MKLN1: variants seen among roughly 807,000 people sequenced by gnomAD.
MKLN1 encodes muskelin 1, also known as muskelin.
MKLN1 carries 18 observed loss-of-function variants against 99.0 expected under a neutral mutation model. The ratio of observed to expected loss-of-function variants is 0.18; its 90% CI spans 0.13 to 0.27. MKLN1 has a LOEUF of 0.27. MKLN1 is among the 10% of genes least tolerant of loss of function. The pLI, the probability that MKLN1 is intolerant of heterozygous loss-of-function variation, is 1.00. For missense variants in MKLN1, 621 were observed against 875.9 expected, an observed-to-expected ratio of 0.71 and a Z score of 3.67; for synonymous variants, 288 against 293.2, an observed-to-expected ratio of 0.98 and a Z score of 0.18.
chr7:131,168,254 A>G (rs1425255712), intron 2 of MKLN1, among the ~76,000 whole-genome samples: 2 of 152,114 alleles, frequency 1.3e-5, no homozygotes, highest in Non-Finnish European at 2.9e-5. Flanking sequence ...CCTGACATCA[A>G]TGGCTGGCCC....
intron 2 of MKLN1, among the ~76,000 whole-genome samples, chr7:131,185,064 G>C (rs1383222713): frequency 6.6e-6 from 1 of 152,128 alleles, no homozygotes. Flanking sequence ...GAGAGGAGGA[G>C]AGGGTGGTGG....
chr7:131,136,393 C>G (rs1353446683), intron 1 of MKLN1, among the ~76,000 whole-genome samples: 1 of 152,046 alleles, frequency 6.6e-6, no homozygotes, highest in Non-Finnish European at 1.5e-5. Flanking sequence ...GGAGATGGAC[C>G]AAGTGGTCGC....
intron 3 of MKLN1, among the ~76,000 whole-genome samples, chr7:131,284,215 C>T (rs987051804): frequency 5.9e-5 from 9 of 152,228 alleles, no homozygotes; most frequent in Non-Finnish European, 1.2e-4. Flanking sequence ...TTACTGTCCA[C>T]AGCAGCTGAA....
intron 6 of MKLN1, among the ~76,000 whole-genome samples, chr7:131,404,718 A>G (rs1794649721): frequency 6.6e-6 from 1 of 151,312 alleles, no homozygotes. Context: ...TGATCCTCTT[A>G]CCAAGCCTCC....
intron 2 of MKLN1, among the ~76,000 whole-genome samples, chr7:131,151,338 G>A (rs1251185917): frequency 6.6e-6 from 1 of 151,362 alleles, no homozygotes; most frequent in Non-Finnish European, 1.5e-5. Context: ...GAAACCTGAG[G>A]TGCTGGATTT....
chr7:131,388,027 C>G (rs1223995486), intron 3 of MKLN1, among the ~76,000 whole-genome samples: 3 of 152,168 alleles, frequency 2.0e-5, no homozygotes, highest in African/African-American at 4.8e-5. Context: ...ATTAGCTGGA[C>G]ATGGTAGCGG....
chr7:131,423,421 G>A (rs571341717), intron 8 of MKLN1, among the ~76,000 whole-genome samples: 4 of 152,124 alleles, frequency 2.6e-5, no homozygotes, highest in African/African-American at 7.2e-5. Context: ...CAACCTCCAC[G>A]TCCTGGGTTC....
At chr7:131,175,893 C>A (rs1249861755) in intron 2 of MKLN1, among the ~76,000 whole-genome samples, 1 of 132,160 alleles carries the variant, frequency 7.6e-6, no homozygotes, top group African/African-American at 2.7e-5. Flanking sequence ...GAGTGAGACT[C>A]CACTCAAAAA....
At chr7:131,283,346 C>CTCCTTCCTTCCCTCCTTCCT (rs1798084228) in intron 3 of MKLN1, among the ~76,000 whole-genome samples, 1 of 51,418 alleles carries the variant, frequency 1.9e-5, no homozygotes, top group Admixed American at 2.4e-4. Context: ...TTCCCTTCCC[C>CTCCTTCCTTCCCTCCTTCCT]TCCTTCCTTC....
At chr7:131,277,379 G>A (rs992261359) in intron 3 of MKLN1, among the ~76,000 whole-genome samples, 1 of 151,846 alleles carries the variant, frequency 6.6e-6, no homozygotes, top group African/African-American at 2.4e-5. Context: ...CGCCTCCTGG[G>A]TTCAAGCGAT....
intron 16 of MKLN1, among the ~76,000 whole-genome samples, chr7:131,475,172 A>G (rs759151247): frequency 6.6e-6 from 1 of 152,188 alleles, no homozygotes; most frequent in Non-Finnish European, 1.5e-5. Context: ...CACAAATGAA[A>G]AGAGGGCATC....
At chr7:131,275,211 G>A (rs2116565665) in intron 3 of MKLN1, among the ~76,000 whole-genome samples, 1 of 152,052 alleles carries the variant, frequency 6.6e-6, no homozygotes, top group African/African-American at 2.4e-5. Flanking sequence ...GTCAATTCTT[G>A]CTGTATCCTT....
intron 3 of MKLN1, among the ~76,000 whole-genome samples, chr7:131,232,705 T>G (rs1797260637): frequency 6.6e-6 from 1 of 152,166 alleles, no homozygotes; most frequent in Non-Finnish European, 1.5e-5. Context: ...ACATTTTTAG[T>G]ACATACACGA....
intron 3 of MKLN1, among the ~76,000 whole-genome samples, chr7:131,250,113 A>G (rs1050328435): frequency 2.0e-5 from 3 of 152,194 alleles, no homozygotes; most frequent in Non-Finnish European, 2.9e-5. Context: ...GGAAGCAGAA[A>G]AAGAAGACTG....
chr7:131,342,150 T>A (rs2116730431), intron 1 of MKLN1, among the ~76,000 whole-genome samples: 1 of 150,906 alleles, frequency 6.6e-6, no homozygotes, highest in Admixed American at 6.8e-5. Context: ...GCCAGATTTT[T>A]TGTTGATTTT....
intron 3 of MKLN1, among the ~76,000 whole-genome samples, chr7:131,286,898 G>T (rs1260950096): frequency 6.6e-6 from 1 of 152,192 alleles, no homozygotes; most frequent in Non-Finnish European, 1.5e-5. Context: ...TTGAGGCCAG[G>T]AGTTTGAGAC....
At position 131,145,312 on chromosome 7, in the gene MKLN1, G is replaced by A. The variant is rs192400622; in HGVS notation, c.-297+2371G>A. ...TTGTACAGGTACTGAGTGGGGGCGAGGTGGCTTACAGCTACACACGGCACG... is the reference window on the plus strand; with the variant it reads ...TTGTACAGGTACTGAGTGGGGGCGAAGTGGCTTACAGCTACACACGGCACG... On this transcript the variant is annotated intron_variant, in intron 2 of 7. Transcript: ENST00000416992. Among the ~76,000 whole-genome samples the A allele has an allele frequency of 6.6e-5, 10 of 152,224 alleles. No individual in the cohort carries two copies. In the East Asian group the frequency reaches 9.7e-4, roughly 15 times the overall value.
chr7:131,150,654 G>A (rs1433923989), intron 2 of MKLN1, among the ~76,000 whole-genome samples: 1 of 151,986 alleles, frequency 6.6e-6, no homozygotes, highest in Admixed American at 6.6e-5. Context: ...AAACTCAAAT[G>A]GACAGATGGA....
intron 10 of MKLN1, among the ~76,000 whole-genome samples, chr7:131,441,962 T>TG (rs1795852802): frequency 6.6e-6 from 1 of 152,204 alleles, no homozygotes; most frequent in African/African-American, 2.4e-5. Flanking sequence ...CCAGCTCCAG[T>TG]GGAGCCCTCA....
Sources: allele counts gnomAD v4.1 joint callset (sites outside exome capture counted in the v4.1 genomes callset), GRCh38; gene constraint gnomAD v4.1.1; transcripts MANE v1.5; gene names NCBI Gene and HGNC (gene_info 2026-07-23, HGNC 2026-07-21).